TRPM6: variants seen among roughly 807,000 people sequenced by gnomAD.
TRPM6 encodes the protein transient receptor potential cation channel subfamily M member 6.
In TRPM6, 111 loss-of-function variants were observed where a neutral mutation model predicts 247.6. The observed-to-expected ratio is 0.45, with a 90% confidence interval of 0.38 to 0.52. The LOEUF is 0.52. Ranked by LOEUF, TRPM6 falls within the 20% of genes least tolerant of loss-of-function variation. TRPM6 has a pLI of 0.00. For synonymous variants in TRPM6, 892 were observed against 853.8 expected (o/e 1.04, Z -0.78); for missense variants, 2,126 against 2,421.5 (o/e 0.88, Z 2.56).
chr9:74,769,624 GGCA>G (rs1826953489), intron 25 of TRPM6, among the ~76,000 whole-genome samples: 1 of 151,914 alleles, frequency 6.6e-6, no homozygotes, highest in African/African-American at 2.4e-5. Flanking sequence ...CGGGTGTGGT[GGCA>G]CACACCTGTA....
intron 25 of TRPM6, among the ~76,000 whole-genome samples, chr9:74,771,410 T>G (rs1366368202): frequency 6.6e-6 from 1 of 151,852 alleles, no homozygotes; most frequent in African/African-American, 2.4e-5. Flanking sequence ...TCTCACCACC[T>G]ACACACATGC....
chr9:74,853,135 C>T (rs1049266056), intron 3 of TRPM6, among the ~76,000 whole-genome samples: 5 of 151,580 alleles, frequency 3.3e-5, no homozygotes, highest in Admixed American at 2.6e-4. Context: ...TGTCTCTGCT[C>T]GACCGCCACC....
chr9:74,815,221 A>G (rs1046930707), intron 11 of TRPM6, among the ~76,000 whole-genome samples: 1 of 152,178 alleles, frequency 6.6e-6, no homozygotes. Context: ...ACTCACAACA[A>G]CACACAGCAT....
At position 74,742,808 on chromosome 9, in the gene TRPM6, G is replaced by T. The variant is rs141926752; in HGVS notation, c.5135-182C>A. Among the ~76,000 whole-genome samples the T allele has an allele frequency of 8.3e-3, 1,264 of 152,278 alleles. 17 individuals carry two copies. Among genetic ancestry groups the T allele is most frequent in the Non-Finnish European group, 0.012 (809 of 68,024 alleles). On this transcript the variant is annotated intron_variant, in intron 32 of 38. Transcript: ENST00000360774. ...AATAAACTATGCCTTAAACAGGAAAGAAATCCCAATTTTAGAGGCATTTAA... is the reference window on the plus strand; with the variant it reads ...AATAAACTATGCCTTAAACAGGAAATAAATCCCAATTTTAGAGGCATTTAA...
intron 29 of TRPM6, 34 bp from the exon 30 acceptor site, chr9:74,750,756 T>G (rs1354218936): frequency 6.2e-7 from 1 of 1,601,908 alleles, no homozygotes; most frequent in Non-Finnish European, 8.6e-7. Flanking sequence ...ACGTGTGTGC[T>G]CAACATAGTC....
intron 23 of TRPM6, among the ~76,000 whole-genome samples, chr9:74,778,277 A>G (rs531359778): frequency 2.0e-5 from 3 of 152,268 alleles, no homozygotes; most frequent in East Asian, 3.9e-4. Context: ...TGCAGCCCCC[A>G]CAGGATCCCC....
At chr9:74,794,322 A>G (rs569183788) in intron 18 of TRPM6, among the ~76,000 whole-genome samples, 2 of 152,310 alleles carry the variant, frequency 1.3e-5, no homozygotes, top group South Asian at 4.2e-4. Flanking sequence ...CCAAGGAATG[A>G]ATCAAATTTT....
chr9:74,843,062 T>G (rs1216443898), intron 3 of TRPM6, among the ~76,000 whole-genome samples: 3 of 152,246 alleles, frequency 2.0e-5, no homozygotes, highest in African/African-American at 7.2e-5. Context: ...CTGCCACTGT[T>G]TTATCAACTA....
chr9:74,763,257 T>A, intron 25 of TRPM6, 123 bp from the exon 26 acceptor site: 1 of 943,684 alleles, frequency 1.1e-6, no homozygotes, highest in Non-Finnish European at 1.7e-6. Flanking sequence ...AGGTTAAGTC[T>A]GTCTTTTGCC....
intron 27 of TRPM6, among the ~76,000 whole-genome samples, chr9:74,757,030 T>C (rs73532443): frequency 0.012 from 1,798 of 151,534 alleles, 40 homozygotes; most frequent in African/African-American, 0.041. Context: ...ATACAAAAGT[T>C]AGCTGGGTGT....
chr9:74,880,730 C>G (rs1359439715), intron 1 of TRPM6, among the ~76,000 whole-genome samples: 1 of 152,092 alleles, frequency 6.6e-6, no homozygotes, highest in African/African-American at 2.4e-5. Context: ...TATCTACCAT[C>G]ATGAAAATAC....
chr9:74,789,374 T>C (rs1311127367), intron 19 of TRPM6, among the ~76,000 whole-genome samples: 1 of 152,190 alleles, frequency 6.6e-6, no homozygotes. Flanking sequence ...TGTATATATA[T>C]GTATGCCTAG....
chr9:74,838,105 T>A (rs1829791622), intron 5 of TRPM6, among the ~76,000 whole-genome samples: 1 of 152,174 alleles, frequency 6.6e-6, no homozygotes, highest in East Asian at 1.9e-4. Context: ...CTTTTGTTTA[T>A]ATGAAGTATT....
intron 33 of TRPM6, among the ~76,000 whole-genome samples, chr9:74,741,098 C>A (rs573945585): frequency 1.3e-5 from 2 of 152,180 alleles, no homozygotes; most frequent in South Asian, 4.1e-4. Context: ...TGAATTACAA[C>A]CTCAGATACA....
intron 24 of TRPM6, among the ~76,000 whole-genome samples, chr9:74,773,906 C>A (rs1381255547): frequency 6.6e-6 from 1 of 152,096 alleles, no homozygotes; most frequent in Non-Finnish European, 1.5e-5. Context: ...TATCTCCCAC[C>A]CCCTACCCAA....
At chr9:74,822,849 T>C (rs1298445390) in intron 7 of TRPM6, among the ~76,000 whole-genome samples, 1 of 152,110 alleles carries the variant, frequency 6.6e-6, no homozygotes, top group Non-Finnish European at 1.5e-5. Context: ...TTTTTAAAAA[T>C]ATACTTACAT....
intron 16 of TRPM6, among the ~76,000 whole-genome samples, chr9:74,801,243 ATTTTTTTTTTTTTTTTTTTTT>A: frequency 1.2e-5 from 1 of 85,294 alleles, no homozygotes; most frequent in Non-Finnish European, 2.1e-5. Flanking sequence ...AAGCCTGGGA[ATTTTTTTTTTTTTTTTTTTTT>A]TTTTTTTTTT....
At chr9:74,734,830 C>G (rs1448943685) in intron 36 of TRPM6, among the ~76,000 whole-genome samples, 2 of 152,110 alleles carry the variant, frequency 1.3e-5, no homozygotes, top group African/African-American at 4.8e-5. Flanking sequence ...AAACTTTATA[C>G]CCCTAAACCC....
chr9:74,827,897 A>C lies in TRPM6; in HGVS notation c.722T>G (p.Leu241Arg). The C allele has an allele frequency of 1.2e-6, 2 of 1,613,934 alleles. No homozygotes were observed. The highest frequency in any genetic ancestry group is 1.7e-6 in the Non-Finnish European group (2 of 1,179,996). The change falls in exon 7 of 39, where the codon CTC (leucine) becomes CGC (arginine). Residue 241 changes from leucine to arginine, a missense_variant. Physicochemically the swap from Leu to Arg is moderately radical, Grantham distance 102 (BLOSUM62 -2). This residue lies in a region of TRPM6 where 1,082 missense variants were observed against 1,307.9 expected (regional missense o/e 0.83). Coordinates refer to ENST00000360774, the MANE Select transcript of TRPM6 (RefSeq NM_017662.5). The stretch of plus-strand genomic sequence containing the variant: ...GATGAAGTGCGAGTGCATGCTGTTG[A>C]GTGTTGTGAGCTTGCTGAGGGGGTT... ...LDNPLSKLTT[L>R]NSMHSHFILS... is the part of the protein sequence containing the mutation.
Sources: gnomAD v4.1 joint callset for allele counts (sites outside exome capture counted in the v4.1 genomes callset) on GRCh38, gnomAD v4.1.1 for gene constraint, gnomAD v4.1.1 regional missense constraint, MANE v1.5 for transcripts, NCBI Gene and HGNC (gene_info 2026-07-23, HGNC 2026-07-21) for gene names.